Variants in PCDHGB3 observed in about 807,000 individuals in gnomAD.
PCDHGB3 encodes the protein protocadherin gamma subfamily B, 3.
Under a neutral mutation model 59.2 loss-of-function variants are expected in PCDHGB3, and 40 were observed. The ratio of observed to expected loss-of-function variants is 0.68; its 90% CI spans 0.52 to 0.88. PCDHGB3 has a LOEUF of 0.88. Among genes scored for constraint, PCDHGB3 ranks in the 40% least tolerant of loss-of-function variants. PCDHGB3 has a pLI of 0.00. For missense variants in PCDHGB3, 1,309 were observed against 1,187.9 expected (o/e 1.10, Z -1.50); for synonymous variants, 581 against 503.6 (o/e 1.15, Z -2.06).
At chr5:141,459,714 T>C (rs1240430980) in intron 1 of PCDHGB3, among the ~76,000 whole-genome samples, 4 of 152,244 alleles carry the variant, frequency 2.6e-5, no homozygotes, top group Admixed American at 6.5e-5. Flanking sequence ...TTCTCACCAA[T>C]GCTTCCTATT....
chr5:141,371,174 C>A lies in PCDHGB3; in HGVS notation c.780C>A (p.Ser260=). 1 of 1,613,994 alleles carries A rather than the reference C, an allele frequency of 6.2e-7. No homozygotes were observed. The highest frequency in any genetic ancestry group is 1.1e-5 in the South Asian group (1 of 91,088). Residue 260 remains serine (S), a synonymous_variant, in exon 1 of 4, where the codon TCC becomes TCA. Coordinates refer to ENST00000576222, the MANE Select transcript of PCDHGB3 (RefSeq NM_018924.5). Reference sequence around the variant, plus strand: ...CAGAGAACCTGCCCGCTGGCTCCTCCGTATTAAAAGTGATGGCCATTGACA... The same window carrying A: ...CAGAGAACCTGCCCGCTGGCTCCTCAGTATTAAAAGTGATGGCCATTGACA... ...NVAENLPAGS[S]VLKVMAIDMD...
chr5:141,492,303 G>A (rs969991314), intron 1 of PCDHGB3, among the ~76,000 whole-genome samples: 1 of 152,202 alleles, frequency 6.6e-6, no homozygotes, highest in African/African-American at 2.4e-5. Context: ...GCGGACGCAC[G>A]CACGCACTCC....
chr5:141,423,065 G>C, intron 1 of PCDHGB3: 1 of 1,614,138 alleles, frequency 6.2e-7, no homozygotes, highest in Non-Finnish European at 8.5e-7. Flanking sequence ...CTTAAGGCCA[G>C]CGAGCCGGGA....
At position 141,371,131 on chromosome 5, in the gene PCDHGB3, T is replaced by C. The variant is rs746254566; in HGVS notation, c.737T>C (p.Met246Thr). ...AACCCCCCAGTATTTACTCAGGACATGTACAGGGTCAATGTTGCAGAGAAC... is the reference window on the plus strand; with the variant it reads ...AACCCCCCAGTATTTACTCAGGACACGTACAGGGTCAATGTTGCAGAGAAC... ...NDNPPVFTQD[M>T]YRVNVAENLP... Residue 246 changes from methionine (M) to threonine (T), a missense_variant, in exon 1 of 4, where the codon ATG (methionine) becomes ACG (threonine). Coordinates refer to ENST00000576222, the MANE Select transcript of PCDHGB3 (RefSeq NM_018924.5). 1 of 1,614,004 alleles carries C rather than the reference T, an allele frequency of 6.2e-7. No homozygotes were observed. The highest frequency in any genetic ancestry group is 1.1e-5 in the South Asian group (1 of 91,082).
chr5:141,376,034 C>T, intron 1 of PCDHGB3: 1 of 1,613,128 alleles, frequency 6.2e-7, no homozygotes, highest in South Asian at 1.1e-5. Context: ...GGACCACGGC[C>T]AGCCCCCTCT....
At chr5:141,404,150 G>T in intron 1 of PCDHGB3, 1 of 1,612,828 alleles carries the variant, frequency 6.2e-7, no homozygotes, top group South Asian at 1.1e-5. Flanking sequence ...TTCAGAAGAA[G>T]ATTATTACAG....
At chr5:141,388,487 C>T in intron 1 of PCDHGB3, 1 of 1,613,776 alleles carries the variant, frequency 6.2e-7, no homozygotes, top group Non-Finnish European at 8.5e-7. Flanking sequence ...CACCTTTGGA[C>T]AGAGAAAAGC....
In PCDHGB3 at chr5:141,408,106, G is replaced by A. The variant is rs1474157141; in HGVS notation, c.2415+35297G>A. The A allele has an allele frequency of 8.3e-6, 12 of 1,444,288 alleles. No individual in the cohort carries two copies. In the East Asian group the frequency reaches 2.7e-4, roughly 33 times the overall value. 89.5% of individuals were successfully genotyped at this position (1,444,288 alleles called of 1,614,324 possible). On this transcript the variant is annotated intron_variant, in intron 1 of 3. Transcript: ENST00000576222. ...AGCGGATTGCCAGCTCCGAGACCCG[G>A]GACTCCTCCTGTCCTGGGCCGAATG...
At chr5:141,393,246 A>G (rs1434145740) in intron 1 of PCDHGB3, 2 of 1,613,694 alleles carry the variant, frequency 1.2e-6, no homozygotes, top group Non-Finnish European at 1.7e-6. Flanking sequence ...AATTAACGAA[A>G]TCGCGGTTCC....
chr5:141,381,826 C>CTTTTTTTTTTTTTTTTTTT (rs770630741), intron 1 of PCDHGB3, among the ~76,000 whole-genome samples: 6 of 74,282 alleles, frequency 8.1e-5, no homozygotes, highest in Non-Finnish European at 9.4e-5. Context: ...CTTTCTTCTT[C>CTTTTTTTTTTTTTTTTTTT]TTTTTTTTTT....
chr5:141,420,910 G>T, intron 1 of PCDHGB3: 1 of 311,900 alleles, frequency 3.2e-6, no homozygotes, highest in South Asian at 7.0e-5. Context: ...ACAAATACGT[G>T]TGATTCACAA....
At position 141,491,681 on chromosome 5, in the gene PCDHGB3, C is replaced by T; in HGVS notation, c.2416-3126C>T. 6.2e-6 allele frequency: 10 copies of T among 1,613,458 alleles called. No homozygotes were observed. Among genetic ancestry groups the T allele is most frequent in the Non-Finnish European group, 8.5e-6 (10 of 1,179,804 alleles). On this transcript the variant is annotated intron_variant, in intron 1 of 3. Transcript: ENST00000576222. The surrounding 1 kb of genome is among the most constrained non-coding windows in gnomAD (Gnocchi z 6.9). ...GACGCCATCCGGTCCCGCTCTAATA[C>T]GCTGCGGGAGCGGAGCCAGGTGAGG...
chr5:141,396,813 T>C (rs1031435038), intron 1 of PCDHGB3, among the ~76,000 whole-genome samples: 4 of 152,240 alleles, frequency 2.6e-5, no homozygotes, highest in African/African-American at 9.6e-5. Context: ...AGTGTTCTAC[T>C]GTATGGTGCA....
At chr5:141,413,827 G>A (rs2154544774) in intron 1 of PCDHGB3, 1 of 1,613,200 alleles carries the variant, frequency 6.2e-7, no homozygotes. Context: ...GGTCCTCACC[G>A]CCTCCGACGG....
chr5:141,481,913 CAA>C (rs34114744), intron 1 of PCDHGB3, among the ~76,000 whole-genome samples: 12,059 of 90,730 alleles, frequency 0.13, 576 homozygotes, highest in African/African-American at 0.21. Flanking sequence ...AACTCCATCT[CAA>C]AAAAAAAAAA....
Position 141,512,160 on chromosome 5 carries a change from G to A in PCDHGB3, c.*987G>A, listed in dbSNP as rs1227447365. On this transcript the variant is annotated 3_prime_UTR_variant, in exon 4 of 4. Coordinates refer to ENST00000576222, the MANE Select transcript of PCDHGB3 (RefSeq NM_018924.5). ...CAGCCAGCTTTGGGCTGAGCTAACA[G>A]GACCAATGGATTAAACTGGCATTTC... 1 of 152,730 alleles carries A rather than the reference G, an allele frequency of 6.5e-6. No individual in the cohort carries two copies. Among genetic ancestry groups the A allele is most frequent in the African/African-American group, 2.4e-5 (1 of 41,456 alleles). The allele number at this position is 152,730 out of a possible 1,614,324, so 9.5% of individuals were successfully genotyped here.
At chr5:141,462,896 A>G (rs1280422442) in intron 1 of PCDHGB3, among the ~76,000 whole-genome samples, 1 of 152,142 alleles carries the variant, frequency 6.6e-6, no homozygotes, top group African/African-American at 2.4e-5. Context: ...TTGTTTTGGA[A>G]GGCTATTATG....
At position 141,486,169 on chromosome 5, in the gene PCDHGB3, A is replaced by G. The variant is rs2099625537; in HGVS notation, c.2416-8638A>G. The G allele has an allele frequency of 1.2e-6, 2 of 1,614,088 alleles. No individual in the cohort carries two copies. Among genetic ancestry groups the G allele is most frequent in the East Asian group, 2.2e-5 (1 of 44,890 alleles). On this transcript the variant is annotated intron_variant, in intron 1 of 3. Transcript: ENST00000576222. The surrounding 1 kb of genome is among the most constrained non-coding windows in gnomAD (Gnocchi z 5.0). ...ATGGGGGTTCTCCAGCCATGGAGCA[A>G]CATTGCAGCCTTCGAGTGGATCTGC...
At chr5:141,403,050 A>G in intron 1 of PCDHGB3, 2 of 1,614,060 alleles carry the variant, frequency 1.2e-6, no homozygotes, top group Non-Finnish European at 1.7e-6. Flanking sequence ...CAGATTCGCT[A>G]CTCAGTGCCT....
Sources: allele counts gnomAD v4.1 joint callset (sites outside exome capture counted in the v4.1 genomes callset), GRCh38; gene constraint gnomAD v4.1.1; non-coding constraint Gnocchi (gnomAD v3.1); transcripts MANE v1.5; gene names NCBI Gene and HGNC (gene_info 2026-07-23, HGNC 2026-07-21).